Variants in PAX3 observed in about 807,000 individuals in gnomAD.
PAX3 encodes paired box 3.
Under a neutral mutation model 51.6 loss-of-function variants are expected in PAX3, and 14 were observed. The ratio of observed to expected loss-of-function variants is 0.27; its 90% CI spans 0.18 to 0.42. The LOEUF (loss-of-function observed/expected upper bound fraction) is 0.42. PAX3 is among the 10% of genes least tolerant of loss of function. The probability of loss-of-function intolerance (pLI) is 1.00; values close to 1 mark genes in which losing one functional copy is unlikely to be tolerated. For synonymous variants in PAX3, 280 were observed against 253.4 expected, an observed-to-expected ratio of 1.11 and a Z score of -1.00; for missense variants, 540 against 642.8, an observed-to-expected ratio of 0.84 and a Z score of 1.73.
intron 4 of PAX3, among the ~76,000 whole-genome samples, chr2:222,247,478 T>C (rs1693272218): frequency 6.6e-6 from 1 of 152,172 alleles, no homozygotes; most frequent in Non-Finnish European, 1.5e-5. Flanking sequence ...ACTTTAAATA[T>C]CAGCAGAAAA....
intron 4 of PAX3, among the ~76,000 whole-genome samples, chr2:222,261,442 C>T (rs1005773959): frequency 6.6e-6 from 1 of 151,996 alleles, no homozygotes; most frequent in African/African-American, 2.4e-5. Context: ...TTGTATGGAA[C>T]ATTACAACAC....
chr2:222,209,120 T>C (rs1574629499), intron 7 of PAX3, among the ~76,000 whole-genome samples: 1 of 152,176 alleles, frequency 6.6e-6, no homozygotes, highest in South Asian at 2.1e-4. Flanking sequence ...CTAAAAGTTT[T>C]CCCTCTACCT....
At position 222,220,233 on chromosome 2, in the gene PAX3, C is replaced by A; in HGVS notation, c.1080G>T (p.Arg360Ser). 6.2e-7 allele frequency: 1 copy of A among 1,613,864 alleles called. No individual in the cohort carries two copies. Among genetic ancestry groups the A allele is most frequent in the Non-Finnish European group, 8.5e-7 (1 of 1,179,934 alleles). ...TGTCTGTATAGCTGGAAAATCCATG[C>A]CTGGTGCTGGGGAGGCAGTAGGCAG... ...SSSAYCLPSTRHGFSSYTDSF... is the reference protein window; with the variant it reads ...SSSAYCLPSTSHGFSSYTDSF... Residue 360 changes from arginine to serine, a missense_variant, in exon 7 of 9, where the codon AGG becomes AGT. Coordinates refer to ENST00000392070, the MANE Select transcript of PAX3 (RefSeq NM_181458.4).
At chr2:222,264,078 A>C (rs977758539) in intron 4 of PAX3, 3 of 152,178 alleles carry the variant, frequency 2.0e-5, no homozygotes, top group Non-Finnish European at 1.5e-5. Context: ...ATGTGTTAAG[A>C]CTCCAAAAAA....
At chr2:222,245,549 A>T (rs985450233) in intron 4 of PAX3, among the ~76,000 whole-genome samples, 6 of 152,218 alleles carry the variant, frequency 3.9e-5, no homozygotes, top group African/African-American at 1.2e-4. Flanking sequence ...TTTCTTTTCC[A>T]CATTGCCTTT....
chr2:222,269,944 T>TCGCC (rs1476294365), intron 4 of PAX3, among the ~76,000 whole-genome samples: 6 of 152,222 alleles, frequency 3.9e-5, no homozygotes, highest in African/African-American at 1.4e-4. Context: ...AGAATTTAGT[T>TCGCC]CGAGCCTAAA....
chr2:222,212,553 A>G (rs1365755698), intron 7 of PAX3, among the ~76,000 whole-genome samples: 1 of 152,004 alleles, frequency 6.6e-6, no homozygotes, highest in Non-Finnish European at 1.5e-5. Flanking sequence ...ATATTATACT[A>G]TACATTGAAA....
intron 4 of PAX3, among the ~76,000 whole-genome samples, chr2:222,249,133 C>T (rs1693331836): frequency 6.6e-6 from 1 of 152,210 alleles, no homozygotes; most frequent in Non-Finnish European, 1.5e-5. Context: ...CCCCACCAGA[C>T]TGTTATTATT....
chr2:222,294,093 A>G (rs1695153923), intron 4 of PAX3, 74 bp downstream of exon 4: 2 of 1,604,590 alleles, frequency 1.2e-6, no homozygotes, highest in Non-Finnish European at 8.5e-7. Context: ...GGCTGCCGTC[A>G]GATCACCAAT....
Position 222,201,997 on chromosome 2 carries a change from G to C in PAX3, c.1367C>G (p.Thr456Arg). ...TGTGACAGGGTCCATACTGTAGCCT[G>C]TGGTGCTATAGGTGGGTGGACAGTA... ...QSYCPPTYST[T>R]GYSMDPVTGY... Residue 456 changes from threonine (T) to arginine (R), a missense_variant, in exon 8 of 9, where the codon ACA (threonine) becomes AGA (arginine). Thr to Arg is a moderately conservative substitution (Grantham distance 71, BLOSUM62 -1). Transcript: ENST00000392070. 6.2e-7 allele frequency: 1 copy of C among 1,614,120 alleles called. No individual in the cohort carries two copies. The highest frequency in any genetic ancestry group is 8.5e-7 in the Non-Finnish European group (1 of 1,180,004).
chr2:222,237,920 T>C (rs1032372644), intron 4 of PAX3, among the ~76,000 whole-genome samples: 8 of 152,226 alleles, frequency 5.3e-5, no homozygotes, highest in Admixed American at 3.9e-4. Context: ...ATTCTCAGGT[T>C]ATTCAGCAGA....
intron 5 of PAX3, among the ~76,000 whole-genome samples, chr2:222,228,050 AC>A (rs1692450563): frequency 6.6e-6 from 1 of 152,194 alleles, no homozygotes. Flanking sequence ...TATCACTCAA[AC>A]TGAGTTGACT....
intron 4 of PAX3, among the ~76,000 whole-genome samples, chr2:222,284,260 A>G (rs1694747704): frequency 6.6e-6 from 1 of 152,214 alleles, no homozygotes; most frequent in South Asian, 2.1e-4. Context: ...ATTCCCCAAA[A>G]TGAAAGACTA....
chr2:222,201,394 A>C lies in PAX3; in HGVS notation c.*14T>G, dbSNP rs766749444. On this transcript the variant is annotated 3_prime_UTR_variant, in exon 9 of 9. Coordinates refer to ENST00000392070, the MANE Select transcript of PAX3 (RefSeq NM_181458.4). The stretch of plus-strand genomic sequence containing the variant: ...AGAAACAGGGCCAGTTTTAGCTCCA[A>C]GTGGACAGTTCACTTACGCGATATC... 2 of 1,613,956 alleles carry C rather than the reference A, an allele frequency of 1.2e-6. No individual in the cohort carries two copies. Among genetic ancestry groups the C allele is most frequent in the Non-Finnish European group, 1.7e-6 (2 of 1,179,996 alleles).
At chr2:222,286,088 C>T (rs1319173381) in intron 4 of PAX3, among the ~76,000 whole-genome samples, 1 of 152,188 alleles carries the variant, frequency 6.6e-6, no homozygotes, top group African/African-American at 2.4e-5. Flanking sequence ...CAGGCGTGTG[C>T]CATCACACCC....
chr2:222,272,402 T>C (rs956791834), intron 4 of PAX3, among the ~76,000 whole-genome samples: 1 of 152,234 alleles, frequency 6.6e-6, no homozygotes, highest in African/African-American at 2.4e-5. Flanking sequence ...GACATCCTGC[T>C]GTAGGCTTCA....
chr2:222,217,479 A>C (rs952547006), intron 7 of PAX3, among the ~76,000 whole-genome samples: 1 of 152,082 alleles, frequency 6.6e-6, no homozygotes, highest in African/African-American at 2.4e-5. Flanking sequence ...TTCCCTCCCT[A>C]TCAATCCTTT....
At chr2:222,298,439 A>T (rs1695422709) in intron 1 of PAX3, 92 bp downstream of exon 1, 1 of 1,058,856 alleles carries the variant, frequency 9.4e-7, no homozygotes, top group Non-Finnish European at 1.4e-6. Context: ...GCTTCCTGGA[A>T]GCACCAAAGG....
At chr2:222,289,078 G>A (rs143750063) in intron 4 of PAX3, among the ~76,000 whole-genome samples, 3 of 152,342 alleles carry the variant, frequency 2.0e-5, no homozygotes, top group Non-Finnish European at 4.4e-5. Context: ...AGTGAGATAA[G>A]ACATTAAACT....
Sources: gnomAD v4.1 joint callset for allele counts (sites outside exome capture counted in the v4.1 genomes callset) on GRCh38, gnomAD v4.1.1 for gene constraint, MANE v1.5 for transcripts, NCBI Gene and HGNC (gene_info 2026-07-23, HGNC 2026-07-21) for gene names.